DHRSX: variants seen among roughly 807,000 people sequenced by gnomAD.
DHRSX encodes polyprenol dehydrogenase.
Under a neutral mutation model 34.0 loss-of-function variants are expected in DHRSX, and 31 were observed. The observed-to-expected ratio is 0.91, with a 90% CI of 0.69 to 1.23. The LOEUF (loss-of-function observed/expected upper bound fraction) is 1.23. Among genes scored for constraint, DHRSX ranks in the 50% most tolerant of loss-of-function variants. DHRSX has a pLI of 0.00. For synonymous variants in DHRSX, 201 were observed against 183.8 expected, an observed-to-expected ratio of 1.09 and a Z score of -0.76; for missense variants, 414 against 428.1, an observed-to-expected ratio of 0.97 and a Z score of 0.29.
intron 3 of DHRSX, among the ~76,000 whole-genome samples, chrX:2,327,033 G>A (rs759030554): frequency 2.0e-5 from 3 of 152,176 alleles, no homozygotes; most frequent in African/African-American, 4.8e-5. Flanking sequence ...GGCTGGTCTC[G>A]CACTCCTGAC....
intron 1 of DHRSX, among the ~76,000 whole-genome samples, chrX:2,469,346 C>G (rs1237170509): frequency 6.7e-6 from 1 of 149,594 alleles, no homozygotes; most frequent in Non-Finnish European, 1.5e-5. Flanking sequence ...ACACTGAAGA[C>G]GTTCCCTAAA....
At chrX:2,223,555 C>T (rs1376071500) in intron 6 of DHRSX, among the ~76,000 whole-genome samples, 4 of 151,840 alleles carry the variant, frequency 2.6e-5, no homozygotes, top group Admixed American at 1.3e-4. Context: ...TTGCCCTGGG[C>T]ATCTAAAGAC....
At chrX:2,457,741 T>A (rs1350554880) in intron 1 of DHRSX, among the ~76,000 whole-genome samples, 1 of 144,692 alleles carries the variant, frequency 6.9e-6, no homozygotes, top group South Asian at 2.2e-4. Flanking sequence ...GCCAAGGGAC[T>A]GCCACCATGT....
intron 2 of DHRSX, among the ~76,000 whole-genome samples, chrX:2,411,599 C>G (rs896509638): frequency 2.5e-4 from 36 of 144,112 alleles, no homozygotes; most frequent in Non-Finnish European, 4.6e-4. Context: ...TGGTAGCAGG[C>G]ACCTGTAATC....
intron 1 of DHRSX, among the ~76,000 whole-genome samples, chrX:2,452,240 T>C (rs918415652): frequency 1.1e-4 from 16 of 151,102 alleles, no homozygotes; most frequent in Middle Eastern, 3.7e-3. Context: ...ACTGCTGCCA[T>C]GTGCACATTG....
At chrX:2,258,009 TAAG>T (rs2041302717) in intron 5 of DHRSX, among the ~76,000 whole-genome samples, 2 of 152,088 alleles carry the variant, frequency 1.3e-5, no homozygotes, top group African/African-American at 4.8e-5. Flanking sequence ...GAGGTCCTTA[TAAG>T]AAGAGGAGAT....
Position 2,377,058 on chromosome X carries a change from G to C in DHRSX, c.286+31687C>G, listed in dbSNP as rs1253133839. ...AGACACAGAGATGGCCACGACAAAG[G>C]CAGATACTGTATTGATGCTTCTACA... On this transcript the variant is annotated intron_variant, in intron 3 of 6. Coordinates refer to ENST00000334651, the MANE Select transcript of DHRSX (RefSeq NM_145177.3). Among the ~76,000 whole-genome samples the C allele has an allele frequency of 1.3e-4, 19 of 151,324 alleles. 1 individual carries two copies. The highest frequency in any genetic ancestry group is 1.3e-3 in the Admixed American group (19 of 15,192).
At chrX:2,467,729 C>T (rs1310629480) in intron 1 of DHRSX, among the ~76,000 whole-genome samples, 1 of 152,146 alleles carries the variant, frequency 6.6e-6, no homozygotes, top group Non-Finnish European at 1.5e-5. Context: ...AATCCCAGCA[C>T]TTTGGGAGGC....
intron 3 of DHRSX, among the ~76,000 whole-genome samples, chrX:2,345,450 C>G (rs1397762294): frequency 6.6e-6 from 1 of 151,704 alleles, no homozygotes; most frequent in Non-Finnish European, 1.5e-5. Flanking sequence ...TGAGATCAGC[C>G]TGGCCAACAT....
rs746042706 is a variant in DHRSX at position 2,403,374 on chromosome X, C to G, written c.286+5371G>C. Among the ~76,000 whole-genome samples the G allele has an allele frequency of 3.3e-5, 5 of 152,256 alleles. No homozygotes were observed. The South Asian group carries it at 1.0e-3, about 32-fold the overall frequency. ...TTTAAACAGCCACAGAAAGTGCAAA[C>G]GATTCTTTTCTTCTTTTCTGTAAGA... is the stretch of plus-strand genomic sequence containing the variant. On this transcript the variant is annotated intron_variant, in intron 3 of 6. Transcript: ENST00000334651.
At chrX:2,230,153 T>C (rs1321516408) in intron 6 of DHRSX, among the ~76,000 whole-genome samples, 1 of 152,180 alleles carries the variant, frequency 6.6e-6, no homozygotes, top group Non-Finnish European at 1.5e-5. Flanking sequence ...ATACTATGCA[T>C]GTGTGGGAGG....
At chrX:2,300,375 C>G (rs1474190402) in intron 3 of DHRSX, among the ~76,000 whole-genome samples, 1 of 152,096 alleles carries the variant, frequency 6.6e-6, no homozygotes, top group South Asian at 2.1e-4. Flanking sequence ...GAAACACACA[C>G]CAGGTGTGAT....
Position 2,266,824 on chromosome X carries a change from G to C in DHRSX, c.512C>G (p.Ser171Cys). The change falls in exon 5 of 7, where the codon TCC becomes TGC. Residue 171 changes from serine (S) to cysteine (C), a missense_variant. Physicochemically the swap from Ser to Cys is moderately radical, Grantham distance 112. Transcript: ENST00000334651. The stretch of plus-strand genomic sequence containing the variant: ...GACCACCCTCGCACTGTGGCCAGGG[G>C]ACCCAGACTCTTTCAGCGTATCCAA... ...LLLDTLKESG[S>C]PGHSARVVTV... 1 of 1,613,952 alleles carries C rather than the reference G, an allele frequency of 6.2e-7. No individual in the cohort carries two copies. The highest frequency in any genetic ancestry group is 8.5e-7 in the Non-Finnish European group (1 of 1,179,858).
intron 3 of DHRSX, among the ~76,000 whole-genome samples, chrX:2,345,895 A>G (rs1210841240): frequency 6.6e-6 from 1 of 152,124 alleles, no homozygotes; most frequent in Non-Finnish European, 1.5e-5. Flanking sequence ...GCCAGCCTCC[A>G]TCACCATATG....
chrX:2,241,223 T>C (rs754751436), intron 6 of DHRSX, among the ~76,000 whole-genome samples: 1 of 152,248 alleles, frequency 6.6e-6, no homozygotes, highest in South Asian at 2.1e-4. Context: ...GGCTGGGGCA[T>C]GAAATCTTGC....
chrX:2,356,923 T>C (rs1388462565), intron 3 of DHRSX, among the ~76,000 whole-genome samples: 1 of 152,086 alleles, frequency 6.6e-6, no homozygotes, highest in African/African-American at 2.4e-5. Flanking sequence ...CAGTAGGCTA[T>C]TAATAATTAA....
intron 1 of DHRSX, among the ~76,000 whole-genome samples, chrX:2,466,893 C>T (rs1209001818): frequency 6.6e-6 from 1 of 151,950 alleles, no homozygotes; most frequent in Non-Finnish European, 1.5e-5. Flanking sequence ...TGCTGAAACC[C>T]TGTCACTACT....
At chrX:2,465,532 G>A (rs2044479375) in intron 1 of DHRSX, among the ~76,000 whole-genome samples, 1 of 152,020 alleles carries the variant, frequency 6.6e-6, no homozygotes, top group Non-Finnish European at 1.5e-5. Flanking sequence ...GCCAGGCACC[G>A]TGGCTGACAC....
At chrX:2,495,729 C>T (rs2045267571) in intron 1 of DHRSX, among the ~76,000 whole-genome samples, 1 of 152,074 alleles carries the variant, frequency 6.6e-6, no homozygotes, top group Non-Finnish European at 1.5e-5. Flanking sequence ...ACCAGCCTCT[C>T]ACTGCCTCAT....
Sources: allele counts gnomAD v4.1 joint callset (sites outside exome capture counted in the v4.1 genomes callset), GRCh38; gene constraint gnomAD v4.1.1; transcripts MANE v1.5; gene names NCBI Gene and HGNC (gene_info 2026-07-23, HGNC 2026-07-21).